Variants in RNF11 observed in about 807,000 individuals in gnomAD.
RNF11 encodes ring finger protein 11.
RNF11 carries 4 observed loss-of-function variants against 15.8 expected under a neutral mutation model. That is an observed-to-expected ratio of 0.25 (90% CI 0.12 to 0.58). RNF11 has a LOEUF of 0.58. RNF11 is among the 20% of genes least tolerant of loss of function. RNF11 has a pLI of 0.91. For missense variants in RNF11, 139 were observed against 194.4 expected, an observed-to-expected ratio of 0.71 and a Z score of 1.70; for synonymous variants, 68 against 72.3, an observed-to-expected ratio of 0.94 and a Z score of 0.30.
At chr1:51,251,450 G>A (rs1010710815) in intron 1 of RNF11, 11 of 719,722 alleles carry the variant, frequency 1.5e-5, no homozygotes, top group Middle Eastern at 3.8e-4. Flanking sequence ...GCCCCCCCCC[G>A]CTGCACTGGT....
At chr1:51,255,542 C>T (rs1262507423) in intron 1 of RNF11, among the ~76,000 whole-genome samples, 42 of 152,180 alleles carry the variant, frequency 2.8e-4, no homozygotes, top group Admixed American at 2.6e-3. Flanking sequence ...CAGGCGTGGG[C>T]GACTGCACCC....
chr1:51,270,014 A>G lies in RNF11; in HGVS notation c.182A>G (p.Gln61Arg), dbSNP rs1040488652. 6 of 1,613,686 alleles carry G rather than the reference A, an allele frequency of 3.7e-6. No individual in the cohort carries two copies. The highest frequency in any genetic ancestry group is 5.1e-6 in the Non-Finnish European group (6 of 1,179,870). ...CCTAGCCAGACTCGGCTAGCAACTC[A>G]GCTGACTGAAGAGGAACAAATTAGG... ...PTPSQTRLAT[Q>R]LTEEEQIRIA... Residue 61 changes from glutamine (Q) to arginine (R), a missense_variant, in exon 2 of 3, where the codon CAG (glutamine) becomes CGG (arginine). Gln to Arg is a conservative substitution (Grantham distance 43). Coordinates refer to ENST00000242719, the MANE Select transcript of RNF11 (RefSeq NM_014372.5).
chr1:51,259,951 G>C (rs1229041204), intron 1 of RNF11, among the ~76,000 whole-genome samples: 2 of 152,162 alleles, frequency 1.3e-5, no homozygotes, highest in Non-Finnish European at 2.9e-5. Flanking sequence ...AATAGTTGTA[G>C]TCTTAAAAGC....
chr1:51,245,113 G>A (rs1356247150), intron 1 of RNF11, among the ~76,000 whole-genome samples: 1 of 152,208 alleles, frequency 6.6e-6, no homozygotes, highest in Non-Finnish European at 1.5e-5. Flanking sequence ...TAGGCTGAAT[G>A]TAGTGGCATG....
chr1:51,252,504 A>G (rs1052227004), intron 1 of RNF11, among the ~76,000 whole-genome samples: 1 of 152,086 alleles, frequency 6.6e-6, no homozygotes, highest in African/African-American at 2.4e-5. Flanking sequence ...AGTCCCAGCT[A>G]CCTGAGAGGC....
chr1:51,266,380 A>T (rs1646954572), intron 1 of RNF11, among the ~76,000 whole-genome samples: 1 of 152,074 alleles, frequency 6.6e-6, no homozygotes, highest in Admixed American at 6.5e-5. Flanking sequence ...ATTGTTATTT[A>T]ATCCAAATCA....
At chr1:51,241,993 TA>T (rs1288970235) in intron 1 of RNF11, among the ~76,000 whole-genome samples, 2 of 152,236 alleles carry the variant, frequency 1.3e-5, no homozygotes, top group East Asian at 3.8e-4. Flanking sequence ...CTAATCTGAA[TA>T]TATAAAAATA....
chr1:51,236,916 G>T, intron 1 of RNF11, 37 bp downstream of exon 1: 1 of 1,581,946 alleles, frequency 6.3e-7, no homozygotes, highest in Non-Finnish European at 8.6e-7. Flanking sequence ...GCGAGTAGAG[G>T]CAGCTCTGGC....
chr1:51,270,228 T>C (rs1646972052), intron 2 of RNF11, 103 bp downstream of exon 2: 1 of 782,796 alleles, frequency 1.3e-6, no homozygotes, highest in Non-Finnish European at 2.0e-6. Context: ...ATTTAATATA[T>C]TGAAACACTT....
intron 1 of RNF11, among the ~76,000 whole-genome samples, chr1:51,246,052 G>A (rs1646850363): frequency 6.6e-6 from 1 of 151,932 alleles, no homozygotes; most frequent in African/African-American, 2.4e-5. Context: ...GGTCACCTGA[G>A]GTTAGGAGTT....
At chr1:51,238,020 A>T (rs1049024424) in intron 1 of RNF11, among the ~76,000 whole-genome samples, 1 of 152,048 alleles carries the variant, frequency 6.6e-6, no homozygotes, top group Non-Finnish European at 1.5e-5. Flanking sequence ...CATATATACC[A>T]GTAAGGTCCA....
At position 51,271,130 on chromosome 1, in the gene RNF11, TC is replaced by T. The variant is rs1391114425; in HGVS notation, c.294-20del. Reference sequence around the variant, plus strand: ...ACACTTCTGAAAATGCCTTCTGATTTCTCTCCATTGCTCTCAACAGGTGTGT... The same window carrying T: ...ACACTTCTGAAAATGCCTTCTGATTTTCTCCATTGCTCTCAACAGGTGTGT... On this transcript the variant is annotated intron_variant, in intron 2 of 2. Coordinates refer to ENST00000242719, the MANE Select transcript of RNF11 (RefSeq NM_014372.5). The T allele has an allele frequency of 6.2e-7, 1 of 1,604,096 alleles. No homozygotes were observed. The highest frequency in any genetic ancestry group is 8.5e-7 in the Non-Finnish European group (1 of 1,172,564).
At chr1:51,258,852 CAATT>C (rs1185287809) in intron 1 of RNF11, among the ~76,000 whole-genome samples, 1 of 152,186 alleles carries the variant, frequency 6.6e-6, no homozygotes, top group Non-Finnish European at 1.5e-5. Context: ...CAATTCCTAT[CAATT>C]AAGGCTCATT....
chr1:51,240,046 G>A (rs893694847), intron 1 of RNF11, among the ~76,000 whole-genome samples: 4 of 152,030 alleles, frequency 2.6e-5, no homozygotes, highest in African/African-American at 9.7e-5. Flanking sequence ...CCTTGTCCTC[G>A]CTAAGGCCTG....
At chr1:51,241,611 G>T (rs986459221) in intron 1 of RNF11, among the ~76,000 whole-genome samples, 2 of 152,174 alleles carry the variant, frequency 1.3e-5, no homozygotes, top group African/African-American at 4.8e-5. Flanking sequence ...GAAAGTACTT[G>T]AATCCCTATT....
intron 1 of RNF11, among the ~76,000 whole-genome samples, chr1:51,247,299 G>T (rs1011627226): frequency 3.3e-5 from 5 of 152,098 alleles, no homozygotes; most frequent in African/African-American, 1.2e-4. Flanking sequence ...CACTACAGCC[G>T]CAAACTCTTG....
At chr1:51,238,889 C>T (rs111867190) in intron 1 of RNF11, among the ~76,000 whole-genome samples, 3,202 of 152,208 alleles carry the variant, frequency 0.021, 94 homozygotes, top group African/African-American at 0.065. Flanking sequence ...GCCACCACAC[C>T]TAGCTAATTT....
intron 1 of RNF11, among the ~76,000 whole-genome samples, chr1:51,249,484 C>T (rs1161028603): frequency 1.3e-5 from 2 of 152,178 alleles, no homozygotes; most frequent in Non-Finnish European, 2.9e-5. Flanking sequence ...AGGCTCCCTC[C>T]TGCCCCCTCC....
chr1:51,250,466 A>G (rs191152528), intron 1 of RNF11: 275 of 452,412 alleles, frequency 6.1e-4, no homozygotes, highest in African/African-American at 5.2e-3. Flanking sequence ...TTTGAACAAC[A>G]TAGAGTTGAA....
Sources: allele counts gnomAD v4.1 joint callset (sites outside exome capture counted in the v4.1 genomes callset), GRCh38; gene constraint gnomAD v4.1.1; transcripts MANE v1.5; gene names NCBI Gene and HGNC (gene_info 2026-07-23, HGNC 2026-07-21).